The following DNAJC21 variants were observed in gnomAD, a reference collection of about 807,000 sequenced individuals.
DNAJC21 encodes DnaJ heat shock protein family (Hsp40) member C21.
Under a neutral mutation model 72.4 loss-of-function variants are expected in DNAJC21, and 63 were observed. The observed-to-expected ratio is 0.87, with a 90% CI of 0.71 to 1.07. The LOEUF (loss-of-function observed/expected upper bound fraction) is 1.07, where lower values mean the gene tolerates loss of function less well. Ranked by LOEUF, DNAJC21 falls within the 50% of genes least tolerant of loss-of-function variation. DNAJC21 has a pLI of 0.00. For missense variants in DNAJC21, 634 were observed against 644.8 expected (o/e 0.98, Z 0.18); for synonymous variants, 203 against 216.7 (o/e 0.94, Z 0.56).
intron 9 of DNAJC21, among the ~76,000 whole-genome samples, chr5:34,949,922 C>G (rs998801220): frequency 2.0e-5 from 3 of 152,138 alleles, no homozygotes; most frequent in African/African-American, 7.2e-5. Flanking sequence ...AATTGAGTAT[C>G]TTTGGAAACA....
Position 34,929,756 on chromosome 5 carries a change from C to CGGCCCG in DNAJC21, c.-52_-47dup, listed in dbSNP as rs1030047961. The CGGCCCG allele has an allele frequency of 1.3e-5, 11 of 870,908 alleles. No individual in the cohort carries two copies. The highest frequency in any genetic ancestry group is 6.1e-5 in the Admixed American group (1 of 16,294). The allele number at this position is 870,908 out of a possible 1,614,324, so 53.9% of individuals were successfully genotyped here. Reference sequence around the variant, plus strand: ...GCCAGCGCCGCCGCCGCCGCCGCTTCGGCCCGGGCCCGGGCCCCGACCCCG... The same window carrying CGGCCCG: ...GCCAGCGCCGCCGCCGCCGCCGCTTCGGCCCGGGCCCGGGCCCGGGCCCCGACCCCG... On this transcript the variant is annotated 5_prime_UTR_variant, in exon 1 of 12. Coordinates refer to ENST00000648817, the MANE Select transcript of DNAJC21 (RefSeq NM_001012339.3).
intron 9 of DNAJC21, 48 bp downstream of exon 9, chr5:34,945,851 C>T (rs1453720262): frequency 1.5e-6 from 2 of 1,339,648 alleles, no homozygotes; most frequent in Non-Finnish European, 2.1e-6. Flanking sequence ...GATAAAGTTG[C>T]AGTGCTCTTA....
At position 34,936,085 on chromosome 5, in the gene DNAJC21, C is replaced by CT. The variant is rs1449245474; in HGVS notation, c.316-54dup. 8.3e-6 allele frequency: 13 copies of CT among 1,558,114 alleles called. No homozygotes were observed. In the Admixed American group the frequency reaches 8.6e-5, roughly 10 times the overall value. On this transcript the variant is annotated intron_variant, in intron 3 of 11. Transcript: ENST00000648817. ...AATTTTTCATTTTGTATTTTAAAAT[C>CT]TTTTTCTGTGATCAGGCTGCAAAAG...
chr5:34,948,051 A>G (rs1765231823), intron 9 of DNAJC21, among the ~76,000 whole-genome samples: 2 of 152,164 alleles, frequency 1.3e-5, no homozygotes, highest in Non-Finnish European at 2.9e-5. Context: ...CCCTCCCCCA[A>G]AAAAAGGAAT....
intron 7 of DNAJC21, 100 bp from the exon 8 acceptor site, chr5:34,944,767 G>GA: frequency 9.2e-6 from 14 of 1,526,100 alleles, no homozygotes; most frequent in South Asian, 1.2e-5. Context: ...TGCTTAGTGG[G>GA]AAAAAAGCTA....
At chr5:34,939,134 A>G in intron 6 of DNAJC21, 125 bp downstream of exon 6, 1 of 887,174 alleles carries the variant, frequency 1.1e-6, no homozygotes, top group Non-Finnish European at 1.7e-6. Context: ...TGTATGGGCC[A>G]AAGGTAGTCG....
chr5:34,948,562 T>C (rs999231172), intron 9 of DNAJC21, among the ~76,000 whole-genome samples: 1 of 152,240 alleles, frequency 6.6e-6, no homozygotes, highest in Admixed American at 6.5e-5. Context: ...GTATCTATAT[T>C]GACTTTTAAA....
chr5:34,936,048 C>A (rs1764761069), intron 3 of DNAJC21, 96 bp from the exon 4 acceptor site: 1 of 1,519,248 alleles, frequency 6.6e-7, no homozygotes, highest in Non-Finnish European at 8.8e-7. Context: ...TCCCAAAATT[C>A]TTCAACATTA....
chr5:34,951,895 T>C lies in DNAJC21; in HGVS notation c.1358+1553T>C, dbSNP rs545168284. ...TCTCAGGCTTGGGCAACCACTGATA[T>C]AGTTCAGCTCTCTAATTTCACTGAT... On this transcript the variant is annotated intron_variant, in intron 10 of 11. Transcript: ENST00000648817. 52 of 985,470 alleles carry C rather than the reference T, an allele frequency of 5.3e-5. No homozygotes were observed. In the South Asian group the frequency reaches 1.4e-3, roughly 26 times the overall value. The allele number at this position is 985,470 out of a possible 1,614,324, so 61.0% of individuals were successfully genotyped here. A position where few individuals can be genotyped will look rare whatever the true frequency, so the allele number is the denominator to read the frequency against.
chr5:34,950,529 A>G (rs888936888), intron 10 of DNAJC21, 187 bp downstream of exon 10: 1 of 1,249,402 alleles, frequency 8.0e-7, no homozygotes, highest in African/African-American at 1.5e-5. Context: ...AGAGGATGCT[A>G]GAGGAATGTG....
At chr5:34,949,230 G>C (rs2112089491) in intron 9 of DNAJC21, among the ~76,000 whole-genome samples, 1 of 152,208 alleles carries the variant, frequency 6.6e-6, no homozygotes, top group East Asian at 1.9e-4. Flanking sequence ...TATTATGCTA[G>C]AAATGTTTAA....
rs184221438 is a variant in DNAJC21 at position 34,934,238 on chromosome 5, T to G, written c.191+330T>G. Among the ~76,000 whole-genome samples the G allele has an allele frequency of 7.3e-5, 11 of 150,864 alleles. No homozygotes were observed. In the East Asian group the frequency reaches 1.7e-3, roughly 24 times the overall value. ...ACAGGTAGAAGGTTTTCGTTTTTTG[T>G]TTTTTTTTGAGACGCAGTTTTGCTC... On this transcript the variant is annotated intron_variant, in intron 2 of 11. Transcript: ENST00000648817.
chr5:34,944,543 C>G (rs1008346717), intron 7 of DNAJC21, among the ~76,000 whole-genome samples: 3 of 151,892 alleles, frequency 2.0e-5, no homozygotes, highest in Admixed American at 1.3e-4. Flanking sequence ...CCAAACCTCC[C>G]CCTGCCGACA....
At position 34,953,915 on chromosome 5, in the gene DNAJC21, T is replaced by G; in HGVS notation, c.1359-11T>G. On this transcript the variant is annotated splice_polypyrimidine_tract_variant and intron_variant, in intron 10 of 11. Transcript: ENST00000648817. ...TTATTTTTGGATTATGCTGAATTAT[T>G]TATTTTCCAGTGTTCCTAAACCCAA... The G allele has an allele frequency of 6.2e-7, 1 of 1,604,996 alleles. No homozygotes were observed.
rs746495100 is a variant in DNAJC21 at position 34,946,956 on chromosome 5, G to A, written c.1185+1153G>A. ...GCTATATTCCTTTATAGCATCTCTCGTTTATGATTCCTGATTGTAGCAAGT... is the reference window on the plus strand; with the variant it reads ...GCTATATTCCTTTATAGCATCTCTCATTTATGATTCCTGATTGTAGCAAGT... On this transcript the variant is annotated intron_variant, in intron 9 of 11. Coordinates refer to ENST00000648817, the MANE Select transcript of DNAJC21 (RefSeq NM_001012339.3). Among the ~76,000 whole-genome samples, 20 of 152,066 alleles carry A rather than the reference G, an allele frequency of 1.3e-4. 1 individual carries two copies. Among genetic ancestry groups the A allele is most frequent in the Non-Finnish European group, 1.6e-4 (11 of 67,994 alleles).
intron 9 of DNAJC21, among the ~76,000 whole-genome samples, chr5:34,946,314 C>A (rs1765173247): frequency 6.6e-6 from 1 of 152,086 alleles, no homozygotes; most frequent in Non-Finnish European, 1.5e-5. Context: ...AGTCCAAATT[C>A]ATTCTCTGTC....
chr5:34,941,491 A>G (rs1435967147), intron 7 of DNAJC21, among the ~76,000 whole-genome samples: 2 of 150,932 alleles, frequency 1.3e-5, no homozygotes, highest in Non-Finnish European at 3.0e-5. Flanking sequence ...TCAAAGTGCT[A>G]GGATTGCAAG....
At chr5:34,937,289 TAA>T in intron 4 of DNAJC21, 35 bp from the exon 5 acceptor site, 1 of 1,555,648 alleles carries the variant, frequency 6.4e-7, no homozygotes, top group Non-Finnish European at 8.6e-7. Context: ...AAAAAAATCT[TAA>T]AGCGCAGAAG....
chr5:34,939,335 G>A (rs1304323507), intron 6 of DNAJC21, among the ~76,000 whole-genome samples: 4 of 151,400 alleles, frequency 2.6e-5, no homozygotes, highest in Admixed American at 1.3e-4. Flanking sequence ...GCGCAATCTC[G>A]GCTCACTGCA....
Sources: gnomAD v4.1 joint callset for allele counts (sites outside exome capture counted in the v4.1 genomes callset) on GRCh38, gnomAD v4.1.1 for gene constraint, MANE v1.5 for transcripts, NCBI Gene and HGNC (gene_info 2026-07-23, HGNC 2026-07-21) for gene names.